PPFIA3: variants seen among roughly 807,000 people sequenced by gnomAD.
The protein encoded by PPFIA3 is liprin-alpha-3.
A neutral mutation model predicts 145.8 loss-of-function variants in PPFIA3; 26 were observed. The observed-to-expected ratio is 0.18, with a 90% CI of 0.13 to 0.25. The LOEUF (loss-of-function observed/expected upper bound fraction) is 0.25, where lower values mean the gene tolerates loss of function less well. Ranked by LOEUF, PPFIA3 falls within the 10% of genes least tolerant of loss-of-function variation. The probability of loss-of-function intolerance (pLI) is 1.00; values close to 1 mark genes in which losing one functional copy is unlikely to be tolerated. For missense variants in PPFIA3, 1,008 were observed against 1,587.8 expected (o/e 0.63, Z 6.21); for synonymous variants, 645 against 661.4 (o/e 0.98, Z 0.38).
Position 49,139,773 on chromosome 19 carries a change from A to C in PPFIA3, c.2182A>C (p.Thr728Pro). Residue 728 changes from threonine to proline, a missense_variant, in exon 17 of 30, where the codon ACC becomes CCC. Coordinates refer to ENST00000334186, the MANE Select transcript of PPFIA3 (RefSeq NM_003660.4). ...TPRSARLERM[T>P]QALALQAGSL... Reference sequence around the variant, plus strand: ...CCGCTCTGCCCGTCTTGAGAGAATGACCCAGGCCTTGGCACTGCAGGCGGG... The same window carrying C: ...CCGCTCTGCCCGTCTTGAGAGAATGCCCCAGGCCTTGGCACTGCAGGCGGG... 1 of 1,613,858 alleles carries C rather than the reference A, an allele frequency of 6.2e-7. No homozygotes were observed. The highest frequency in any genetic ancestry group is 8.5e-7 in the Non-Finnish European group (1 of 1,179,822).
rs1047755368 is a variant in PPFIA3 at position 49,149,975 on chromosome 19, C to T, written c.3527-105C>T. The T allele has an allele frequency of 2.9e-6, 4 of 1,366,120 alleles. No individual in the cohort carries two copies. The highest frequency in any genetic ancestry group is 4.0e-6 in the Non-Finnish European group (4 of 994,212). The allele number at this position is 1,366,120 out of a possible 1,614,324, so 84.6% of individuals were successfully genotyped here. A position where few individuals can be genotyped will look rare whatever the true frequency, so the allele number is the denominator to read the frequency against. Reference sequence around the variant, plus strand: ...AAGGGAGGGAAACCCATGTGGAGCCCGGCGATCGTTGTGACATCGGGAAGG... The same window carrying T: ...AAGGGAGGGAAACCCATGTGGAGCCTGGCGATCGTTGTGACATCGGGAAGG... On this transcript the variant is annotated intron_variant, in intron 28 of 29. Transcript: ENST00000334186. This position sits in a 1 kb window ranked among gnomAD's most constrained non-coding sequence, Gnocchi z 5.7.
Position 49,128,011 on chromosome 19 carries a change from G to A in PPFIA3, c.138G>A (p.Leu46=), listed in dbSNP as rs770462953. 6.3e-7 allele frequency: 1 copy of A among 1,596,626 alleles called. No individual in the cohort carries two copies. Among genetic ancestry groups the A allele is most frequent in the Non-Finnish European group, 8.5e-7 (1 of 1,179,044 alleles). Reference sequence around the variant, plus strand: ...AGCGCGAGCGCCTGCTGGAGACGCTGCGCGAGGCACAGGACGGGTTGGCTA... The same window carrying A: ...AGCGCGAGCGCCTGCTGGAGACGCTACGCGAGGCACAGGACGGGTTGGCTA... ...LTERERLLET[L]REAQDGLATA... Residue 46 remains leucine, a synonymous_variant, in exon 2 of 30, where the codon CTG becomes CTA. Coordinates refer to ENST00000334186, the MANE Select transcript of PPFIA3 (RefSeq NM_003660.4). The surrounding 1 kb of genome is among the most constrained non-coding windows in gnomAD (Gnocchi z 4.1).
chr19:49,149,518 C>G lies in PPFIA3; in HGVS notation c.3355-29C>G, dbSNP rs775454936. 2 of 1,613,646 alleles carry G rather than the reference C, an allele frequency of 1.2e-6. No individual in the cohort carries two copies. Among genetic ancestry groups the G allele is most frequent in the Admixed American group, 3.3e-5 (2 of 59,958 alleles). ...GCGGAGTCAGACAAGGCAGGAGTCC[C>G]TCACCGGCTGTCCGGCTCCTATACC... On this transcript the variant is annotated intron_variant, in intron 27 of 29. Coordinates refer to ENST00000334186, the MANE Select transcript of PPFIA3 (RefSeq NM_003660.4). This position sits in a 1 kb window ranked among gnomAD's most constrained non-coding sequence, Gnocchi z 5.7.
chr19:49,137,485 C>T (rs748548367), intron 15 of PPFIA3, among the ~76,000 whole-genome samples: 1 of 151,898 alleles, frequency 6.6e-6, no homozygotes, highest in Non-Finnish European at 1.5e-5. Flanking sequence ...AAAAAATTAG[C>T]CAGGCATGGT....
rs1309820420 is a variant in PPFIA3, at chr19:49,130,554, C to G, written c.834C>G (p.Gly278=). The change falls in exon 7 of 30, where the codon GGC becomes GGG. Residue 278 remains glycine (G), a synonymous_variant. Coordinates refer to ENST00000334186, the MANE Select transcript of PPFIA3 (RefSeq NM_003660.4). The surrounding 1 kb of genome is among the most constrained non-coding windows in gnomAD (Gnocchi z 4.5). ...EELGTAHREL[G]KAEEANSKLQ... ...TGGGCACCGCGCACCGTGAGCTGGG[C>G]AAGGCAGAGGAAGCCAACTCCAAGC... 2 of 1,570,962 alleles carry G rather than the reference C, an allele frequency of 1.3e-6. No individual in the cohort carries two copies. The highest frequency in any genetic ancestry group is 1.3e-5 in the African/African-American group (1 of 74,276).
Position 49,150,419 on chromosome 19 carries a change from A to G in PPFIA3, c.*197A>G, listed in dbSNP as rs2041334838. 1 of 366,322 alleles carries G rather than the reference A, an allele frequency of 2.7e-6. No individual in the cohort carries two copies. Among genetic ancestry groups the G allele is most frequent in the Non-Finnish European group, 5.0e-6 (1 of 201,146 alleles). 22.7% of individuals were successfully genotyped at this position (366,322 alleles called of 1,614,324 possible). A position where few individuals can be genotyped will look rare whatever the true frequency, so the allele number is the denominator to read the frequency against. On this transcript the variant is annotated 3_prime_UTR_variant, in exon 30 of 30. Transcript: ENST00000334186. The stretch of plus-strand genomic sequence containing the variant: ...CCGGGGCCTGGACCAAACCACATGA[A>G]CTGGACTGAGAGGGGGAAGAAGCGG...
At chr19:49,143,664 C>T (rs1411990387) in intron 21 of PPFIA3, among the ~76,000 whole-genome samples, 3 of 152,258 alleles carry the variant, frequency 2.0e-5, no homozygotes, top group East Asian at 3.9e-4. Flanking sequence ...TGAGCCCCTA[C>T]GCCTGGCCCT....
chr19:49,141,575 TGTGTGTGC>T (rs1473048533), intron 19 of PPFIA3, 62 bp downstream of exon 19: 3 of 1,286,608 alleles, frequency 2.3e-6, no homozygotes, highest in East Asian at 2.4e-5. Context: ...TGTGAGGGTG[TGTGTGTGC>T]GTGTATGTGT....
In PPFIA3 at chr19:49,148,888, G is replaced by C. The variant is rs530689045; in HGVS notation, c.3110-105G>C. On this transcript the variant is annotated intron_variant, in intron 25 of 29. Coordinates refer to ENST00000334186, the MANE Select transcript of PPFIA3 (RefSeq NM_003660.4). ...CCATAACCGTGGGGGTGGAGCCAGC[G>C]TGGGGGGCGTGGCCCGAAGAGACCA... 400 of 1,565,726 alleles carry C rather than the reference G, an allele frequency of 2.6e-4. 1 individual carries two copies. In the African/African-American group the frequency reaches 5.0e-3, roughly 20 times the overall value.
chr19:49,122,212 C>A (rs1208081410), intron 1 of PPFIA3, among the ~76,000 whole-genome samples: 1 of 151,570 alleles, frequency 6.6e-6, no homozygotes, highest in Non-Finnish European at 1.5e-5. Context: ...TCCTGAGTAG[C>A]TGGGATTACA....
Position 49,134,016 on chromosome 19 carries a change from C to A in PPFIA3, c.1246-18C>A. 6.2e-7 allele frequency: 1 copy of A among 1,609,230 alleles called. No homozygotes were observed. The highest frequency in any genetic ancestry group is 8.5e-7 in the Non-Finnish European group (1 of 1,177,730). On this transcript the variant is annotated intron_variant, in intron 10 of 29. Transcript: ENST00000334186. Reference sequence around the variant, plus strand: ...GGCAGGGTGGGCTTAACAACCCGCCCCGCTCTGCTTTGCGCAGGCCCGGCA... The same window carrying A: ...GGCAGGGTGGGCTTAACAACCCGCCACGCTCTGCTTTGCGCAGGCCCGGCA...
At chr19:49,122,684 A>G (rs1313000847) in intron 1 of PPFIA3, among the ~76,000 whole-genome samples, 5 of 144,332 alleles carry the variant, frequency 3.5e-5, no homozygotes, top group East Asian at 2.0e-4. Flanking sequence ...CTAATTGCAC[A>G]TTCTTTTTTG....
chr19:49,129,226 G>A (rs1305441608), intron 4 of PPFIA3, among the ~76,000 whole-genome samples, 154 bp from the exon 5 acceptor site: 1 of 152,234 alleles, frequency 6.6e-6, no homozygotes. Flanking sequence ...GGATGGGGCA[G>A]ATTGGATAGC....
chr19:49,130,485 C>A lies in PPFIA3; in HGVS notation c.765C>A (p.Arg255=). 2 of 1,603,486 alleles carry A rather than the reference C, an allele frequency of 1.2e-6. No homozygotes were observed. The highest frequency in any genetic ancestry group is 1.7e-5 in the Admixed American group (1 of 58,328). Residue 255 remains arginine, a synonymous_variant, in exon 7 of 30, where the codon CGC becomes CGA. Transcript: ENST00000334186. The surrounding 1 kb of genome is among the most constrained non-coding windows in gnomAD (Gnocchi z 4.5). The part of the protein sequence containing the change: ...QRAEVCQLRE[R]LAVLCRQMSQ... ...CCGAGGTGTGCCAGCTGCGGGAGCG[C>A]CTGGCGGTGCTGTGCCGTCAGATGA...
rs2041027432 is a variant in PPFIA3 at position 49,128,227 on chromosome 19, G to A, written c.240+114G>A. 2.0e-6 allele frequency: 3 copies of A among 1,485,206 alleles called. No homozygotes were observed. The highest frequency in any genetic ancestry group is 2.7e-6 in the Non-Finnish European group (3 of 1,097,302). The allele number at this position is 1,485,206 out of a possible 1,614,324, so 92.0% of individuals were successfully genotyped here. A position where few individuals can be genotyped will look rare whatever the true frequency, so the allele number is the denominator to read the frequency against. ...GGGAGGAGTCTGGGCGAGGCTTGCC[G>A]TTAATGGGCGGGGCCTGAGTGGCAA... On this transcript the variant is annotated intron_variant, in intron 2 of 29. Transcript: ENST00000334186. This position sits in a 1 kb window ranked among gnomAD's most constrained non-coding sequence, Gnocchi z 4.1.
chr19:49,137,784 C>T (rs2122599437), intron 15 of PPFIA3, among the ~76,000 whole-genome samples: 1 of 152,216 alleles, frequency 6.6e-6, no homozygotes, highest in South Asian at 2.1e-4. Context: ...CCATGACCAC[C>T]ACTTTCCATA....
At position 49,148,724 on chromosome 19, in the gene PPFIA3, C is replaced by T; in HGVS notation, c.3070C>T (p.Leu1024=). Reference sequence around the variant, plus strand: ...ACGGCTCAACTATGACCGGAAGGACCTGGAGCGGAGGCGGGAAGAAAGTCA... The same window carrying T: ...ACGGCTCAACTATGACCGGAAGGACTTGGAGCGGAGGCGGGAAGAAAGTCA... ...LKRLNYDRKD[L]ERRREESQTQ... The change falls in exon 25 of 30, where the codon CTG becomes TTG. Residue 1024 remains leucine (L), a synonymous_variant. Coordinates refer to ENST00000334186, the MANE Select transcript of PPFIA3 (RefSeq NM_003660.4). 1 of 1,614,112 alleles carries T rather than the reference C, an allele frequency of 6.2e-7. No homozygotes were observed. The highest frequency in any genetic ancestry group is 8.5e-7 in the Non-Finnish European group (1 of 1,179,990).
At chr19:49,144,912 C>A (rs2041263503) in intron 21 of PPFIA3, among the ~76,000 whole-genome samples, 1 of 149,716 alleles carries the variant, frequency 6.7e-6, no homozygotes, top group Non-Finnish European at 1.5e-5. Context: ...TTGTTAATTT[C>A]TTTTTCTTTT....
intron 15 of PPFIA3, 28 bp downstream of exon 15, chr19:49,136,939 C>A (rs1185030797): frequency 2.7e-6 from 4 of 1,473,058 alleles, no homozygotes; most frequent in African/African-American, 2.8e-5. Context: ...CCCGGCCTGC[C>A]CTGCCCTGCC....
Sources: allele counts gnomAD v4.1 joint callset (sites outside exome capture counted in the v4.1 genomes callset), GRCh38; gene constraint gnomAD v4.1.1; non-coding constraint Gnocchi (gnomAD v3.1); transcripts MANE v1.5; gene names NCBI Gene and HGNC (gene_info 2026-07-23, HGNC 2026-07-21).